Variants in MAST2 observed in about 807,000 individuals in gnomAD.
The protein encoded by MAST2 is microtubule associated serine/threonine kinase 2.
In MAST2, 70 loss-of-function variants were observed where a neutral mutation model predicts 147.4. The ratio of observed to expected loss-of-function variants is 0.47; its 90% CI spans 0.39 to 0.58. MAST2 has a LOEUF of 0.58. Ranked by LOEUF, MAST2 falls within the 20% of genes least tolerant of loss-of-function variation. MAST2 has a pLI of 0.00. For synonymous variants in MAST2, 869 were observed against 896.8 expected (o/e 0.97, Z 0.55); for missense variants, 2,080 against 2,302.3 (o/e 0.90, Z 1.98).
chr1:45,971,933 T>G (rs992422367), intron 5 of MAST2, among the ~76,000 whole-genome samples: 6 of 152,144 alleles, frequency 3.9e-5, no homozygotes, highest in African/African-American at 1.4e-4. Context: ...TTAATGTTGT[T>G]TGTTACATAT....
intron 3 of MAST2, among the ~76,000 whole-genome samples, chr1:45,880,862 A>G (rs528482528): frequency 2.0e-5 from 3 of 151,522 alleles, no homozygotes; most frequent in Admixed American, 2.0e-4. Context: ...GCATGCCTGT[A>G]ATCCCAGCTG....
At chr1:45,966,699 G>GCAAAAGAGTGAGACTCTGTCT (rs1270011949) in intron 5 of MAST2, among the ~76,000 whole-genome samples, 9 of 152,050 alleles carry the variant, frequency 5.9e-5, no homozygotes, top group African/African-American at 1.9e-4. Context: ...TCCAGCCTGG[G>GCAAAAGAGTGAGACTCTGTCT]CAAAAGAGTG....
chr1:46,022,888 T>C, intron 12 of MAST2, 22 bp from the exon 13 acceptor site: 1 of 1,603,576 alleles, frequency 6.2e-7, no homozygotes, highest in South Asian at 1.1e-5. Flanking sequence ...CGCACATTCT[T>C]CTCTTGTATC....
At position 46,031,383 on chromosome 1, in the gene MAST2, G is replaced by A. The variant is rs774608627; in HGVS notation, c.2993-8G>A. On this transcript the variant is annotated splice_polypyrimidine_tract_variant and splice_region_variant and intron_variant, in intron 23 of 28. Transcript: ENST00000361297. The surrounding 1 kb of genome is among the most constrained non-coding windows in gnomAD (Gnocchi z 4.1). ...ATCGCGGGTCTCACTGCTTACTTGG[G>A]CCTACAGCTATGGAGACCCGAGGCC... The A allele has an allele frequency of 1.2e-5, 20 of 1,607,252 alleles. No individual in the cohort carries two copies. Among genetic ancestry groups the A allele is most frequent in the Non-Finnish European group, 1.5e-5 (18 of 1,175,324 alleles).
At chr1:45,863,776 A>T (rs1008648562) in intron 3 of MAST2, among the ~76,000 whole-genome samples, 4 of 152,172 alleles carry the variant, frequency 2.6e-5, no homozygotes, top group Non-Finnish European at 5.9e-5. Context: ...ACATACCTTT[A>T]TCTGTCAAAT....
rs1002558657 is a variant in MAST2 at position 45,849,081 on chromosome 1, G to A, written c.468+19500G>A. ...GAAGACACTGCTCAAGGAAATCAGA[G>A]AAGACAAAAACAAATGAAAAAACAC... On this transcript the variant is annotated intron_variant, in intron 3 of 28. Coordinates refer to ENST00000361297, the MANE Select transcript of MAST2 (RefSeq NM_015112.3). Among the ~76,000 whole-genome samples, 3 of 152,108 alleles carry A rather than the reference G, an allele frequency of 2.0e-5. No individual in the cohort carries two copies. In the East Asian group the frequency reaches 5.8e-4, roughly 29 times the overall value.
intron 1 of MAST2, among the ~76,000 whole-genome samples, chr1:45,822,403 G>C (rs891657292): frequency 6.6e-6 from 1 of 152,014 alleles, no homozygotes; most frequent in African/African-American, 2.4e-5. Context: ...AGTAAGAAGG[G>C]GTGTGATCCT....
At position 46,035,750 on chromosome 1, in the gene MAST2, C is replaced by T; in HGVS notation, c.5081C>T (p.Pro1694Leu). Reference sequence around the variant, plus strand: ...TTGGAAAACACAACTCCAGCCCAGCCTAAGAACCTGTCTCCCAGGGAGCAG... The same window carrying T: ...TTGGAAAACACAACTCCAGCCCAGCTTAAGAACCTGTCTCCCAGGGAGCAG... The part of the protein sequence containing the change: ...QDLENTTPAQ[P>L]KNLSPREQGK... The change falls in exon 29 of 29, where the codon CCT becomes CTT. Residue 1694 changes from proline to leucine, a missense_variant. By Grantham distance (98) the Pro-to-Leu change is moderately conservative. Coordinates refer to ENST00000361297, the MANE Select transcript of MAST2 (RefSeq NM_015112.3). This position sits in a 1 kb window ranked among gnomAD's most constrained non-coding sequence, Gnocchi z 5.5. 6.2e-7 allele frequency: 1 copy of T among 1,614,070 alleles called. No individual in the cohort carries two copies. Among genetic ancestry groups the T allele is most frequent in the South Asian group, 1.1e-5 (1 of 91,082 alleles).
Position 45,811,541 on chromosome 1 carries a change from A to C in MAST2, c.177+7469A>C, listed in dbSNP as rs568167546. Among the ~76,000 whole-genome samples the C allele has an allele frequency of 1.0e-4, 13 of 130,208 alleles. No individual in the cohort carries two copies. The East Asian group carries it at 3.0e-3, about 30-fold the overall frequency. 85.4% of individuals were successfully genotyped at this position (130,208 alleles called of 152,430 possible). The stretch of plus-strand genomic sequence containing the variant: ...TTTTTAGTAGAGACGGGGTTTCACT[A>C]TGTTAGTCAGGATGGTCTCGATCTC... On this transcript the variant is annotated intron_variant, in intron 1 of 28. Transcript: ENST00000361297.
Position 46,031,383 on chromosome 1 carries a change from G to C in MAST2, c.2993-8G>C. 6.2e-7 allele frequency: 1 copy of C among 1,607,252 alleles called. No homozygotes were observed. Among genetic ancestry groups the C allele is most frequent in the South Asian group, 1.1e-5 (1 of 90,436 alleles). ...ATCGCGGGTCTCACTGCTTACTTGG[G>C]CCTACAGCTATGGAGACCCGAGGCC... On this transcript the variant is annotated splice_polypyrimidine_tract_variant and splice_region_variant and intron_variant, in intron 23 of 28. Transcript: ENST00000361297. The surrounding 1 kb of genome is among the most constrained non-coding windows in gnomAD (Gnocchi z 4.1).
At chr1:45,962,332 T>C (rs559127366) in intron 5 of MAST2, among the ~76,000 whole-genome samples, 81 of 152,192 alleles carry the variant, frequency 5.3e-4, no homozygotes, top group African/African-American at 1.9e-3. Flanking sequence ...TCTAGATCCC[T>C]GAGGAATCGC....
At chr1:45,965,370 C>T (rs1033162174) in intron 5 of MAST2, among the ~76,000 whole-genome samples, 1 of 152,176 alleles carries the variant, frequency 6.6e-6, no homozygotes, top group Non-Finnish European at 1.5e-5. Context: ...CTTTGTAAGT[C>T]TCTAAGTTAA....
chr1:45,861,127 C>T (rs940804557), intron 3 of MAST2, among the ~76,000 whole-genome samples: 2 of 152,154 alleles, frequency 1.3e-5, no homozygotes, highest in African/African-American at 4.8e-5. Flanking sequence ...TCTTTTCTTC[C>T]TGTCTTTTCG....
At position 46,029,516 on chromosome 1, in the gene MAST2, G is replaced by A. The variant is rs1186654383; in HGVS notation, c.2269G>A (p.Asp757Asn). 3.7e-6 allele frequency: 6 copies of A among 1,613,978 alleles called. No homozygotes were observed. Among genetic ancestry groups the A allele is most frequent in the African/African-American group, 1.3e-5 (1 of 74,896 alleles). ...TGAGGCACTGCCCCCAGACGCCCAG[G>A]ACCTCACCTCCAAACTGCTCCACCA... ...GDEALPPDAQ[D>N]LTSKLLHQNP... The change falls in exon 19 of 29, where the codon GAC (aspartate) becomes AAC (asparagine). Residue 757 changes from aspartate to asparagine, a missense_variant. Asp to Asn is a conservative substitution (Grantham distance 23). Coordinates refer to ENST00000361297, the MANE Select transcript of MAST2 (RefSeq NM_015112.3).
intron 5 of MAST2, among the ~76,000 whole-genome samples, chr1:45,987,777 A>ATTTTTTTTTTTTTTTTTTTTTTG (rs1644696076): frequency 4.6e-5 from 1 of 21,778 alleles, no homozygotes; most frequent in Non-Finnish European, 7.5e-5. Flanking sequence ...TTTTTTTTTG[A>ATTTTTTTTTTTTTTTTTTTTTTG]TTTTTTTTTT....
At chr1:45,992,020 C>T (rs944384453) in intron 5 of MAST2, among the ~76,000 whole-genome samples, 2 of 152,174 alleles carry the variant, frequency 1.3e-5, no homozygotes, top group African/African-American at 2.4e-5. Context: ...TGAGCCACTG[C>T]ACCCAGTCGT....
At chr1:45,915,525 AC>A (rs1380402714) in intron 4 of MAST2, among the ~76,000 whole-genome samples, 1 of 152,138 alleles carries the variant, frequency 6.6e-6, no homozygotes, top group Non-Finnish European at 1.5e-5. Context: ...CCTGGCTAAC[AC>A]GGTGAAACTC....
At chr1:45,987,777 A>ATTTTTTTTTTTTTTTGTT in intron 5 of MAST2, among the ~76,000 whole-genome samples, 1 of 21,778 alleles carries the variant, frequency 4.6e-5, no homozygotes, top group South Asian at 3.2e-3. Flanking sequence ...TTTTTTTTTG[A>ATTTTTTTTTTTTTTTGTT]TTTTTTTTTT....
chr1:45,860,785 T>G (rs1645956130), intron 3 of MAST2, among the ~76,000 whole-genome samples: 1 of 151,842 alleles, frequency 6.6e-6, no homozygotes, highest in Non-Finnish European at 1.5e-5. Flanking sequence ...TGAGCCGAGA[T>G]CATGCCATTG....
Sources: allele counts gnomAD v4.1 joint callset (sites outside exome capture counted in the v4.1 genomes callset), GRCh38; gene constraint gnomAD v4.1.1; non-coding constraint Gnocchi (gnomAD v3.1); transcripts MANE v1.5; gene names NCBI Gene and HGNC (gene_info 2026-07-23, HGNC 2026-07-21).